The following CACNA1C variants were observed in gnomAD, a reference collection of about 807,000 sequenced individuals.
CACNA1C encodes the protein calcium voltage-gated channel subunit alpha1 C, also known as voltage-dependent L-type calcium channel subunit alpha-1C.
CACNA1C carries 30 observed loss-of-function variants against 229.0 expected under a neutral mutation model. The ratio of observed to expected loss-of-function variants is 0.13; its 90% CI spans 0.10 to 0.18. The LOEUF (loss-of-function observed/expected upper bound fraction) is 0.18, where lower values mean the gene tolerates loss of function less well. CACNA1C is among the 10% of genes least tolerant of loss of function. The probability of loss-of-function intolerance (pLI) is 1.00; values close to 1 mark genes in which losing one functional copy is unlikely to be tolerated. For synonymous variants in CACNA1C, 1,114 were observed against 1,132.5 expected, an observed-to-expected ratio of 0.98 and a Z score of 0.33; for missense variants, 1,658 against 2,845.0, an observed-to-expected ratio of 0.58 and a Z score of 9.49.
chr12:2,609,600 G>T (rs1252011719), intron 27 of CACNA1C, among the ~76,000 whole-genome samples: 1 of 150,156 alleles, frequency 6.7e-6, no homozygotes, highest in Non-Finnish European at 1.5e-5. Context: ...GGTAGCGATG[G>T]AAAGAATAGG....
At chr12:2,690,838 A>C in intron 46 of CACNA1C, 62 bp from the exon 47 acceptor site, 65 of 1,442,706 alleles carry the variant, frequency 4.5e-5, no homozygotes, top group Non-Finnish European at 5.4e-5. Context: ...CCTCAAGGGA[A>C]GAGCTGGGCT....
chr12:2,382,547 T>G (rs2098273590), intron 3 of CACNA1C, among the ~76,000 whole-genome samples: 1 of 152,168 alleles, frequency 6.6e-6, no homozygotes, highest in African/African-American at 2.4e-5. Context: ...GCAATTCACA[T>G]TTCAATCCTG....
chr12:2,174,103 G>C (rs1468688953), intron 3 of CACNA1C, among the ~76,000 whole-genome samples: 1 of 152,094 alleles, frequency 6.6e-6, no homozygotes, highest in Non-Finnish European at 1.5e-5. Flanking sequence ...CGAAGGAGCT[G>C]CCCAAGGGGA....
intron 3 of CACNA1C, among the ~76,000 whole-genome samples, chr12:2,342,276 C>T (rs114348916): frequency 2.4e-3 from 365 of 152,272 alleles, no homozygotes; most frequent in African/African-American, 8.5e-3. Context: ...ACTTTGTGCA[C>T]ATAACTGGTA....
chr12:2,025,722 T>C (rs909783060), intron 1 of CACNA1C, among the ~76,000 whole-genome samples: 2 of 152,212 alleles, frequency 1.3e-5, no homozygotes, highest in African/African-American at 2.4e-5. Flanking sequence ...TATTACCTTG[T>C]CAATTCTCCC....
chr12:2,609,910 G>A (rs918111283), intron 27 of CACNA1C, among the ~76,000 whole-genome samples: 2 of 152,154 alleles, frequency 1.3e-5, no homozygotes, highest in African/African-American at 4.8e-5. Flanking sequence ...GATCACTTGA[G>A]GCCAGGAGTT....
chr12:2,043,642 C>CTTTTT (rs67625680), intron 1 of CACNA1C, among the ~76,000 whole-genome samples: 17 of 91,380 alleles, frequency 1.9e-4, no homozygotes, highest in Non-Finnish European at 2.6e-4. Context: ...ACAGAATATT[C>CTTTTT]TTTTTTTTTT....
At chr12:2,253,700 G>A (rs2076404142) in intron 3 of CACNA1C, among the ~76,000 whole-genome samples, 1 of 152,234 alleles carries the variant, frequency 6.6e-6, no homozygotes, top group Admixed American at 6.5e-5. Flanking sequence ...TAGGTAGTCA[G>A]TAAATGTCAG....
chr12:2,437,822 GTAA>G (rs1420430665), intron 3 of CACNA1C, among the ~76,000 whole-genome samples: 7 of 147,798 alleles, frequency 4.7e-5, no homozygotes, highest in East Asian at 2.1e-4. Flanking sequence ...GGTGGTGGTG[GTAA>G]TGGTGGTGGT....
At chr12:2,569,198 A>G (rs1228458209) in intron 13 of CACNA1C, among the ~76,000 whole-genome samples, 1 of 152,194 alleles carries the variant, frequency 6.6e-6, no homozygotes, top group Non-Finnish European at 1.5e-5. Context: ...TCTCAAGACA[A>G]GGACAGGGCT....
At chr12:2,062,383 C>T (rs915929396) in intron 1 of CACNA1C, among the ~76,000 whole-genome samples, 3 of 152,210 alleles carry the variant, frequency 2.0e-5, no homozygotes, top group Non-Finnish European at 4.4e-5. Context: ...GCCACAGCCA[C>T]CCAGACAGTG....
chr12:2,519,307 C>T (rs1291219283), intron 9 of CACNA1C, among the ~76,000 whole-genome samples: 2 of 152,228 alleles, frequency 1.3e-5, no homozygotes, highest in Non-Finnish European at 2.9e-5. Flanking sequence ...CACGCAAACG[C>T]GAGTGCATGC....
intron 1 of CACNA1C, among the ~76,000 whole-genome samples, chr12:2,073,796 A>G (rs891961307): frequency 1.2e-4 from 19 of 152,210 alleles, no homozygotes; most frequent in Non-Finnish European, 2.5e-4. Context: ...CATCCTGTGG[A>G]TGATTTTGCC....
At chr12:2,506,550 A>G (rs990631483) in intron 8 of CACNA1C, among the ~76,000 whole-genome samples, 4 of 152,246 alleles carry the variant, frequency 2.6e-5, no homozygotes, top group Non-Finnish European at 5.9e-5. Flanking sequence ...TAATGGTGCT[A>G]TCATTACAAT....
chr12:2,495,953 CCTT>C (rs1411708778), intron 7 of CACNA1C, among the ~76,000 whole-genome samples: 7 of 152,242 alleles, frequency 4.6e-5, no homozygotes, highest in African/African-American at 1.7e-4. Context: ...GCTGTTTCTT[CCTT>C]CTTCCTCCCT....
chr12:2,482,524 CG>C (rs1567949104), intron 5 of CACNA1C, among the ~76,000 whole-genome samples: 2 of 152,154 alleles, frequency 1.3e-5, no homozygotes, highest in African/African-American at 4.8e-5. Flanking sequence ...AGGTTGTTGC[CG>C]GGAGGAGATG....
intron 7 of CACNA1C, among the ~76,000 whole-genome samples, chr12:2,500,044 T>C (rs1305619935): frequency 6.6e-6 from 1 of 152,112 alleles, no homozygotes; most frequent in South Asian, 2.1e-4. Context: ...AGAATCACCT[T>C]CTGTGGCAGC....
intron 5 of CACNA1C, among the ~76,000 whole-genome samples, chr12:2,469,166 A>G (rs952608602): frequency 9.9e-5 from 15 of 152,142 alleles, no homozygotes; most frequent in Non-Finnish European, 1.8e-4. Context: ...GTATATATAT[A>G]CATATATACA....
At chr12:2,437,767 G>A (rs2099149094) in intron 3 of CACNA1C, among the ~76,000 whole-genome samples, 1 of 151,918 alleles carries the variant, frequency 6.6e-6, no homozygotes. Flanking sequence ...TGGTGATAGT[G>A]GAGATGGTAG....
Sources: allele counts gnomAD v4.1 joint callset (sites outside exome capture counted in the v4.1 genomes callset), GRCh38; gene constraint gnomAD v4.1.1; transcripts MANE v1.5; gene names NCBI Gene and HGNC (gene_info 2026-07-23, HGNC 2026-07-21).